Variants in STYXL2 observed in about 807,000 individuals in gnomAD.
The protein encoded by STYXL2 is serine/threonine/tyrosine interacting like 2, also known as serine/threonine/tyrosine-interacting-like protein 2.
A neutral mutation model predicts 52.4 loss-of-function variants in STYXL2; 44 were observed. That is an observed-to-expected ratio of 0.84 (90% CI 0.66 to 1.08). The LOEUF (loss-of-function observed/expected upper bound fraction) is 1.08, where lower values mean the gene tolerates loss of function less well. STYXL2 is among the 50% of genes least tolerant of loss of function. The pLI, the probability that STYXL2 is intolerant of heterozygous loss-of-function variation, is 0.00. For synonymous variants in STYXL2, 604 were observed against 586.9 expected, an observed-to-expected ratio of 1.03 and a Z score of -0.42; for missense variants, 1,604 against 1,471.7, an observed-to-expected ratio of 1.09 and a Z score of -1.47.
intron 2 of STYXL2, among the ~76,000 whole-genome samples, chr1:167,104,800 A>T (rs1667477531): frequency 6.6e-6 from 1 of 152,012 alleles, no homozygotes; most frequent in South Asian, 2.1e-4. Context: ...CAAGAAAGAC[A>T]CCTCCTCCTG....
chr1:167,099,500 T>A (rs576156571), intron 2 of STYXL2, among the ~76,000 whole-genome samples: 1 of 152,346 alleles, frequency 6.6e-6, no homozygotes, highest in South Asian at 2.1e-4. Flanking sequence ...GAACATGTTA[T>A]CTGAACATAG....
At chr1:167,106,709 A>G (rs1352690057) in intron 2 of STYXL2, among the ~76,000 whole-genome samples, 4 of 152,180 alleles carry the variant, frequency 2.6e-5, no homozygotes, top group Non-Finnish European at 5.9e-5. Context: ...AGCTGTCCTG[A>G]ACCCTTGGAG....
intron 2 of STYXL2, among the ~76,000 whole-genome samples, chr1:167,102,932 A>G (rs1343565519): frequency 1.3e-5 from 2 of 151,980 alleles, no homozygotes; most frequent in Non-Finnish European, 2.9e-5. Flanking sequence ...ACAGCAAATT[A>G]CTACAAACTA....
At chr1:167,101,736 G>C (rs1039540974) in intron 2 of STYXL2, among the ~76,000 whole-genome samples, 2 of 151,188 alleles carry the variant, frequency 1.3e-5, no homozygotes, top group Admixed American at 6.6e-5. Flanking sequence ...GAGAGGTGGA[G>C]GTTGCAGTGA....
rs752917323 is a variant in STYXL2, at chr1:167,126,408, C to T, written c.1277C>T (p.Ser426Leu). The change falls in exon 6 of 6, where the codon TCG becomes TTG. Residue 426 changes from serine (S) to leucine (L), a missense_variant. Physicochemically the swap from Ser to Leu is moderately radical, Grantham distance 145. Transcript: ENST00000361200. Reference sequence around the variant, plus strand: ...GAGGAGGAGAGCGACGCTGGCTCCTCGGTGGGGAGGCGGCGGCGCACCCTG... The same window carrying T: ...GAGGAGGAGAGCGACGCTGGCTCCTTGGTGGGGAGGCGGCGGCGCACCCTG... ...EKEEESDAGS[S>L]VGRRRRTLSE... 5 of 1,558,476 alleles carry T rather than the reference C, an allele frequency of 3.2e-6. No homozygotes were observed. Among genetic ancestry groups the T allele is most frequent in the Admixed American group, 1.9e-5 (1 of 51,484 alleles).
chr1:167,115,228 T>C (rs369420708), intron 3 of STYXL2, among the ~76,000 whole-genome samples: 1 of 152,240 alleles, frequency 6.6e-6, no homozygotes, highest in East Asian at 1.9e-4. Flanking sequence ...CCTTAGTGGC[T>C]GAAGGGCTAT....
At chr1:167,124,360 T>C (rs1273479916) in intron 5 of STYXL2, among the ~76,000 whole-genome samples, 1 of 152,208 alleles carries the variant, frequency 6.6e-6, no homozygotes, top group Non-Finnish European at 1.5e-5. Context: ...GCTGCAAAGA[T>C]ATAATACTGA....
chr1:167,128,779 A>G lies in STYXL2; in HGVS notation c.*171A>G. ...GGGCAGCAGAGGTGGAGTAGGGAGG[A>G]GGCAAGGAGGGGGAGAACCATCAAT... is the stretch of plus-strand genomic sequence containing the variant. On this transcript the variant is annotated 3_prime_UTR_variant, in exon 6 of 6. Transcript: ENST00000361200. 9.2e-7 allele frequency: 1 copy of G among 1,091,638 alleles called. No homozygotes were observed. Among genetic ancestry groups the G allele is most frequent in the Non-Finnish European group, 1.3e-6 (1 of 791,850 alleles). 67.6% of individuals were successfully genotyped at this position (1,091,638 alleles called of 1,614,324 possible). A position where few individuals can be genotyped will look rare whatever the true frequency, so the allele number is the denominator to read the frequency against.
chr1:167,109,577 G>T (rs1221986964), intron 2 of STYXL2, among the ~76,000 whole-genome samples: 2 of 152,036 alleles, frequency 1.3e-5, no homozygotes, highest in Non-Finnish European at 2.9e-5. Flanking sequence ...CCCACCTTAT[G>T]GTCTTTCTCT....
chr1:167,124,861 A>G (rs1453718572), intron 5 of STYXL2, among the ~76,000 whole-genome samples: 1 of 152,022 alleles, frequency 6.6e-6, no homozygotes, highest in Non-Finnish European at 1.5e-5. Flanking sequence ...TGACCCAAAC[A>G]AGGGTGGGGA....
Position 167,126,282 on chromosome 1 carries a change from TCGAGGA to T in STYXL2, c.1160_1165del (p.Glu387_Asp388del). The T allele has an allele frequency of 6.5e-7, 1 of 1,533,640 alleles. No individual in the cohort carries two copies. The highest frequency in any genetic ancestry group is 2.3e-5 in the East Asian group (1 of 42,850). On this transcript the variant is annotated inframe_deletion, in exon 6 of 6. Coordinates refer to ENST00000361200, the MANE Select transcript of STYXL2 (RefSeq NM_001080426.3). Reference sequence around the variant, plus strand: ...TCCTCTGGCCAGGGTGGGGAGGAGCTCGAGGACGAGGACGTGGAGAGGATCATCCAG... The same window carrying T: ...TCCTCTGGCCAGGGTGGGGAGGAGCTCGAGGACGTGGAGAGGATCATCCAG...
At position 167,094,964 on chromosome 1, in the gene STYXL2, G is replaced by A. The variant is rs778231260; in HGVS notation, c.110+5G>A. ...CCGAAGCCCCTCCCCTAGCCAGTAA[G>A]TGACCACTTATCTCCCACCCTCACA... is the stretch of plus-strand genomic sequence containing the variant. On this transcript the variant is annotated splice_donor_5th_base_variant and intron_variant, in intron 2 of 5. Coordinates refer to ENST00000361200, the MANE Select transcript of STYXL2 (RefSeq NM_001080426.3). 15 of 1,593,396 alleles carry A rather than the reference G, an allele frequency of 9.4e-6. No homozygotes were observed. In the South Asian group the frequency reaches 1.6e-4, roughly 17 times the overall value.
At chr1:167,097,881 G>A (rs1188222353) in intron 2 of STYXL2, among the ~76,000 whole-genome samples, 1 of 151,934 alleles carries the variant, frequency 6.6e-6, no homozygotes, top group African/African-American at 2.4e-5. Flanking sequence ...TAACGATATA[G>A]GTTTGTCATG....
At chr1:167,105,141 T>C (rs946724024) in intron 2 of STYXL2, among the ~76,000 whole-genome samples, 4 of 150,214 alleles carry the variant, frequency 2.7e-5, no homozygotes, top group South Asian at 2.2e-4. Flanking sequence ...CTCCCTCCCT[T>C]CCTTCCTTCT....
chr1:167,117,509 G>T lies in STYXL2; in HGVS notation c.387G>T (p.Ala129=), dbSNP rs370198107. 2.5e-6 allele frequency: 4 copies of T among 1,610,392 alleles called. No individual in the cohort carries two copies. The highest frequency in any genetic ancestry group is 1.3e-5 in the African/African-American group (1 of 74,844). The change falls in exon 4 of 6, where the codon GCG becomes GCT. Residue 129 remains alanine (A), a synonymous_variant. Coordinates refer to ENST00000361200, the MANE Select transcript of STYXL2 (RefSeq NM_001080426.3). ...CCCTGGTTCAGGATCGCCAAGAGGCGCCCTGGAATGAGGTGGATGAGGTCT... is the reference window on the plus strand; with the variant it reads ...CCCTGGTTCAGGATCGCCAAGAGGCTCCCTGGAATGAGGTGGATGAGGTCT... ...QRALVQDRQE[A]PWNEVDEVWP...
Position 167,128,567 on chromosome 1 carries a change from G to C in STYXL2, c.3436G>C (p.Glu1146Gln), listed in dbSNP as rs1558029547. Reference protein sequence around the residue: ...AIIAAWRRRQEETRTKLQKRR... With the variant: ...AIIAAWRRRQQETRTKLQKRR... The stretch of plus-strand genomic sequence containing the variant: ...CATTGCTGCTTGGAGACGCCGGCAA[G>C]AAGAAACCAGGACCAAGCTGCAGAA... The change falls in exon 6 of 6, where the codon GAA becomes CAA. Residue 1146 changes from glutamate to glutamine, a missense_variant. Physicochemically the swap from Glu to Gln is conservative, Grantham distance 29 (BLOSUM62 2). Transcript: ENST00000361200. The C allele has an allele frequency of 3.1e-6, 5 of 1,613,618 alleles. No individual in the cohort carries two copies. The Admixed American group carries it at 8.3e-5, about 27-fold the overall frequency.
chr1:167,120,036 C>T (rs1667818009), intron 5 of STYXL2, among the ~76,000 whole-genome samples: 1 of 152,194 alleles, frequency 6.6e-6, no homozygotes, highest in East Asian at 1.9e-4. Context: ...GGCAGAGGTT[C>T]CCCATCAAAC....
At chr1:167,095,748 G>T (rs1372852699) in intron 2 of STYXL2, among the ~76,000 whole-genome samples, 1 of 152,186 alleles carries the variant, frequency 6.6e-6, no homozygotes, top group Non-Finnish European at 1.5e-5. Flanking sequence ...CACCAAATTG[G>T]TGTGAAGAAT....
intron 2 of STYXL2, among the ~76,000 whole-genome samples, chr1:167,111,513 T>TATATATATATATATACAC (rs1211215448): frequency 2.0e-5 from 1 of 50,134 alleles, no homozygotes; most frequent in African/African-American, 1.2e-4. Context: ...TATATATATA[T>TATATATATATATATACAC]ACACACACAC....
Sources: allele counts gnomAD v4.1 joint callset (sites outside exome capture counted in the v4.1 genomes callset), GRCh38; gene constraint gnomAD v4.1.1; transcripts MANE v1.5; gene names NCBI Gene and HGNC (gene_info 2026-07-23, HGNC 2026-07-21).